The following TBC1D9B variants were observed in gnomAD, a reference collection of about 807,000 sequenced individuals.
The protein encoded by TBC1D9B is TBC1 domain family, member 9B (with GRAM domain).
Under a neutral mutation model 121.1 loss-of-function variants are expected in TBC1D9B, and 87 were observed. The ratio of observed to expected loss-of-function variants is 0.72; its 90% CI spans 0.60 to 0.86. The LOEUF (loss-of-function observed/expected upper bound fraction) is 0.86, where lower values mean the gene tolerates loss of function less well. TBC1D9B is among the 40% of genes least tolerant of loss of function. The probability of loss-of-function intolerance (pLI) is 0.00; values close to 1 mark genes in which losing one functional copy is unlikely to be tolerated. For missense variants in TBC1D9B, 1,540 were observed against 1,628.6 expected (o/e 0.95, Z 0.94); for synonymous variants, 668 against 670.1 (o/e 1.00, Z 0.05).
chr5:179,906,712 G>T (rs1052336612), intron 1 of TBC1D9B, among the ~76,000 whole-genome samples: 6 of 152,238 alleles, frequency 3.9e-5, no homozygotes, highest in Non-Finnish European at 7.3e-5. Context: ...TCTGGGAACA[G>T]AACAGTCTCT....
chr5:179,863,870 C>G lies in TBC1D9B; in HGVS notation c.3280G>C (p.Ala1094Pro), dbSNP rs149290693. ...TTTCCGAGGTGTGTGTCTCCGCCTG[C>G]TTTGGCTTGGGGGTCTCCTGCAGCT... ...PPAAGDPQAKAGGDTHLGKAP... is the reference protein window; with the variant it reads ...PPAAGDPQAKPGGDTHLGKAP... Residue 1094 changes from alanine to proline, a missense_variant, in exon 21 of 21, where the codon GCA (alanine) becomes CCA (proline). Physicochemically the swap from Ala to Pro is conservative, Grantham distance 27. Coordinates refer to ENST00000355235, the MANE Select transcript of TBC1D9B (RefSeq NM_015043.4). This position sits in a 1 kb window ranked among gnomAD's most constrained non-coding sequence, Gnocchi z 4.5. 8.7e-4 allele frequency: 1,404 copies of G among 1,613,132 alleles called. 2 individuals are homozygous for G. Among genetic ancestry groups the G allele is most frequent in the Non-Finnish European group, 8.4e-4 (990 of 1,179,486 alleles).
At chr5:179,867,441 T>C (rs747846419) in intron 18 of TBC1D9B, 3 of 1,554,406 alleles carry the variant, frequency 1.9e-6, no homozygotes, top group Non-Finnish European at 2.6e-6. Context: ...TTCCAGGGAC[T>C]GACCTTGAGC....
chr5:179,907,628 GC>G lies in TBC1D9B; in HGVS notation c.118+75del. On this transcript the variant is annotated intron_variant, in intron 1 of 20. Transcript: ENST00000355235. This position sits in a 1 kb window ranked among gnomAD's most constrained non-coding sequence, Gnocchi z 5.3. Reference sequence around the variant, plus strand: ...CCGAGGCCGGGCCGGAACCGGACCCGCCCGCCGCCCGCCGCCAGCCCCGCCG... The same window carrying G: ...CCGAGGCCGGGCCGGAACCGGACCCGCCGCCGCCCGCCGCCAGCCCCGCCG... 1.2e-6 allele frequency: 1 copy of G among 805,224 alleles called. No homozygotes were observed. The highest frequency in any genetic ancestry group is 1.5e-6 in the Non-Finnish European group (1 of 668,350). The allele number at this position is 805,224 out of a possible 1,614,324, so 49.9% of individuals were successfully genotyped here. A position where few individuals can be genotyped will look rare whatever the true frequency, so the allele number is the denominator to read the frequency against.
intron 2 of TBC1D9B, among the ~76,000 whole-genome samples, chr5:179,899,680 T>C (rs962453192): frequency 3.3e-5 from 5 of 152,210 alleles, no homozygotes; most frequent in African/African-American, 9.6e-5. Context: ...GCTTTTGCTA[T>C]GTAGGTGATT....
At chr5:179,886,780 C>T (rs1430308820) in intron 7 of TBC1D9B, among the ~76,000 whole-genome samples, 2 of 152,202 alleles carry the variant, frequency 1.3e-5, no homozygotes, top group East Asian at 1.9e-4. Flanking sequence ...TGCATATGGA[C>T]TCTTCTAATG....
Position 179,872,938 on chromosome 5 carries a change from C to G in TBC1D9B, c.2369G>C (p.Arg790Thr), listed in dbSNP as rs144708947. Residue 790 changes from arginine to threonine, a missense_variant, in exon 14 of 21, where the codon AGG (arginine) becomes ACG (threonine). Coordinates refer to ENST00000355235, the MANE Select transcript of TBC1D9B (RefSeq NM_015043.4). ...EDIEQMRFKQ[R>T]LKVIQSLEDT... is the part of the protein sequence containing the mutation. ...CTCCAAGGACTGGATCACTTTCAGC[C>G]TCTGTTTAAACCGCATCTGCTCAAT... 6.2e-7 allele frequency: 1 copy of G among 1,614,028 alleles called. No homozygotes were observed. Among genetic ancestry groups the G allele is most frequent in the South Asian group, 1.1e-5 (1 of 91,084 alleles).
At chr5:179,873,395 A>G (rs1760261881) in intron 12 of TBC1D9B, 147 bp from the exon 13 acceptor site, 1 of 1,288,268 alleles carries the variant, frequency 7.8e-7, no homozygotes, top group Non-Finnish European at 1.0e-6. Context: ...AGGAGGGCAG[A>G]GGTGTGCCCT....
In TBC1D9B at chr5:179,879,771, C is replaced by T. The variant is rs998770595; in HGVS notation, c.1273G>A (p.Glu425Lys). Residue 425 changes from glutamate to lysine, a missense_variant, in exon 8 of 21, where the codon GAG becomes AAG. Transcript: ENST00000355235. ...GGGCTGGCGGGCTGCTCCGACCCCT[C>T]CTGAGGAGCTGGGGAAGACTAGAAA... Reference protein sequence around the residue: ...PSTESSPAPQEGSEQPASPAS... With the variant: ...PSTESSPAPQKGSEQPASPAS... The T allele has an allele frequency of 1.2e-6, 2 of 1,612,466 alleles. No individual in the cohort carries two copies. Among genetic ancestry groups the T allele is most frequent in the African/African-American group, 1.3e-5 (1 of 74,952 alleles).
At position 179,863,231 on chromosome 5, in the gene TBC1D9B, TG is replaced by T; in HGVS notation, c.*216del. 1.7e-6 allele frequency: 1 copy of T among 577,950 alleles called. No homozygotes were observed. Among genetic ancestry groups the T allele is most frequent in the Non-Finnish European group, 3.0e-6 (1 of 333,460 alleles). The allele number at this position is 577,950 out of a possible 1,614,324, so 35.8% of individuals were successfully genotyped here. On this transcript the variant is annotated 3_prime_UTR_variant, in exon 21 of 21. Transcript: ENST00000355235. The surrounding 1 kb of genome is among the most constrained non-coding windows in gnomAD (Gnocchi z 4.5). ...GAAGGTGGGAGCCACAGCCTCTTCCTGGGCCCAGAAGCAGCCGGCGCCAGGA... is the reference window on the plus strand; with the variant it reads ...GAAGGTGGGAGCCACAGCCTCTTCCTGGCCCAGAAGCAGCCGGCGCCAGGA...
At position 179,862,126 on chromosome 5, in the gene TBC1D9B, G is replaced by A. The variant is rs1759856206; in HGVS notation, c.*1322C>T. The A allele has an allele frequency of 6.0e-6, 1 of 167,916 alleles. No individual in the cohort carries two copies. Among genetic ancestry groups the A allele is most frequent in the East Asian group, 1.5e-4 (1 of 6,754 alleles). The allele number at this position is 167,916 out of a possible 1,614,324, so 10.4% of individuals were successfully genotyped here. The stretch of plus-strand genomic sequence containing the variant: ...GTTATTGTTGTCAATCTCTTAAGGT[G>A]CCTAATTCATAAACTTAATCACAGG... On this transcript the variant is annotated 3_prime_UTR_variant, in exon 21 of 21. Coordinates refer to ENST00000355235, the MANE Select transcript of TBC1D9B (RefSeq NM_015043.4).
intron 17 of TBC1D9B, 46 bp from the exon 18 acceptor site, chr5:179,867,895 G>C (rs368661190): frequency 6.7e-7 from 1 of 1,490,358 alleles, no homozygotes; most frequent in South Asian, 1.4e-5. Context: ...GAAACAAGGA[G>C]ATCCTCTCAG....
At chr5:179,900,878 G>A (rs568361463) in intron 2 of TBC1D9B, among the ~76,000 whole-genome samples, 6 of 152,216 alleles carry the variant, frequency 3.9e-5, no homozygotes, top group Non-Finnish European at 7.4e-5. Flanking sequence ...CTGCTGGCAC[G>A]CCTGCCCCGA....
intron 18 of TBC1D9B, chr5:179,866,588 G>C (rs1257135191): frequency 6.6e-6 from 1 of 152,450 alleles, no homozygotes; most frequent in Admixed American, 6.5e-5. Context: ...ACTCACCCTG[G>C]AATGGAGGCC....
Position 179,904,575 on chromosome 5 carries a change from G to C in TBC1D9B, c.229+127C>G. The C allele has an allele frequency of 1.2e-6, 1 of 825,040 alleles. No homozygotes were observed. The highest frequency in any genetic ancestry group is 1.9e-6 in the Non-Finnish European group (1 of 518,288). 51.1% of individuals were successfully genotyped at this position (825,040 alleles called of 1,614,324 possible). A position where few individuals can be genotyped will look rare whatever the true frequency, so the allele number is the denominator to read the frequency against. On this transcript the variant is annotated intron_variant, in intron 2 of 20. Coordinates refer to ENST00000355235, the MANE Select transcript of TBC1D9B (RefSeq NM_015043.4). This position sits in a 1 kb window ranked among gnomAD's most constrained non-coding sequence, Gnocchi z 4.2. The stretch of plus-strand genomic sequence containing the variant: ...GCGAAGGCTCCTCCACTTCCCTCTT[G>C]CAGCCTTGGGCTATGCTGTCAGCAG...
intron 7 of TBC1D9B, 57 bp downstream of exon 7, chr5:179,888,046 A>G: frequency 6.3e-7 from 1 of 1,599,654 alleles, no homozygotes; most frequent in Non-Finnish European, 8.6e-7. Flanking sequence ...AGGCTGATGG[A>G]TGCCCTGGCT....
chr5:179,865,642 G>A lies in TBC1D9B; in HGVS notation c.2914+196C>T, dbSNP rs1759985531. On this transcript the variant is annotated intron_variant, in intron 19 of 20. Coordinates refer to ENST00000355235, the MANE Select transcript of TBC1D9B (RefSeq NM_015043.4). The surrounding 1 kb of genome is among the most constrained non-coding windows in gnomAD (Gnocchi z 5.1). ...AGCTGGAGAGAAGCTGGCAAGAGAG[G>A]GCTGGCTGGGTGCCCGTGGGGCTGG... The A allele has an allele frequency of 1.8e-5, 12 of 650,430 alleles. No individual in the cohort carries two copies. The highest frequency in any genetic ancestry group is 1.1e-4 in the East Asian group (4 of 36,954). The allele number at this position is 650,430 out of a possible 1,614,324, so 40.3% of individuals were successfully genotyped here.
Position 179,879,725 on chromosome 5 carries a change from C to T in TBC1D9B, c.1319G>A (p.Arg440His), listed in dbSNP as rs373758205. ...PASPASPLSSRQSFCAQEAPT... is the reference protein window; with the variant it reads ...PASPASPLSSHQSFCAQEAPT... ...CGCCTCCTGCGCACAGAAGCTCTGG[C>T]GGCTGCTGAGGGGAGAGGCTGGGCT... The change falls in exon 8 of 21, where the codon CGC (arginine) becomes CAC (histidine). Residue 440 changes from arginine (R) to histidine (H), a missense_variant. Coordinates refer to ENST00000355235, the MANE Select transcript of TBC1D9B (RefSeq NM_015043.4). 2.0e-5 allele frequency: 33 copies of T among 1,614,158 alleles called. No homozygotes were observed. Among genetic ancestry groups the T allele is most frequent in the East Asian group, 6.7e-5 (3 of 44,888 alleles).
intron 12 of TBC1D9B, among the ~76,000 whole-genome samples, chr5:179,873,732 C>T (rs269470): frequency 0.11 from 16,316 of 152,116 alleles, 2,869 homozygotes; most frequent in African/African-American, 0.37. Context: ...GGGATGGAGC[C>T]CTACCTCTGT....
At chr5:179,880,083 G>A in intron 7 of TBC1D9B, 1 of 498,472 alleles carries the variant, frequency 2.0e-6, no homozygotes, top group Non-Finnish European at 3.6e-6. Context: ...TTCTGAGGGG[G>A]GTCAGTGCAA....
Sources: allele counts gnomAD v4.1 joint callset (sites outside exome capture counted in the v4.1 genomes callset), GRCh38; gene constraint gnomAD v4.1.1; non-coding constraint Gnocchi (gnomAD v3.1); transcripts MANE v1.5; gene names NCBI Gene and HGNC (gene_info 2026-07-23, HGNC 2026-07-21).